The following DLG2 variants were observed in gnomAD, a reference collection of about 807,000 sequenced individuals.
DLG2 encodes the protein discs large MAGUK scaffold protein 2.
DLG2 carries 45 observed loss-of-function variants against 132.5 expected under a neutral mutation model. The ratio of observed to expected loss-of-function variants is 0.34; its 90% CI spans 0.27 to 0.44. The LOEUF (loss-of-function observed/expected upper bound fraction) is 0.44, where lower values mean the gene tolerates loss of function less well. DLG2 is among the 20% of genes least tolerant of loss of function. DLG2 has a pLI of 1.00. For synonymous variants in DLG2, 424 were observed against 419.6 expected, an observed-to-expected ratio of 1.01 and a Z score of -0.13; for missense variants, 1,045 against 1,196.9, an observed-to-expected ratio of 0.87 and a Z score of 1.87.
At chr11:84,134,787 T>C (rs1566651628) in intron 9 of DLG2, among the ~76,000 whole-genome samples, 1 of 151,816 alleles carries the variant, frequency 6.6e-6, no homozygotes, top group African/African-American at 2.4e-5. Context: ...ACTGATATAT[T>C]TGTGGAGTGT....
chr11:84,728,782 T>G (rs764773343), intron 6 of DLG2, among the ~76,000 whole-genome samples: 1 of 152,180 alleles, frequency 6.6e-6, no homozygotes, highest in South Asian at 2.1e-4. Context: ...GTTATTGGTT[T>G]ATTCAGGGAT....
chr11:84,016,143 G>A (rs1467998520), intron 11 of DLG2, among the ~76,000 whole-genome samples: 3 of 151,998 alleles, frequency 2.0e-5, no homozygotes, highest in Non-Finnish European at 2.9e-5. Flanking sequence ...GGGATGTTGA[G>A]CTTTTTTTTC....
chr11:84,377,393 T>G (rs1441573815), intron 7 of DLG2, among the ~76,000 whole-genome samples: 1 of 151,874 alleles, frequency 6.6e-6, no homozygotes, highest in East Asian at 1.9e-4. Flanking sequence ...GGGCCCAAAT[T>G]TAAACAAACC....
intron 6 of DLG2, among the ~76,000 whole-genome samples, chr11:85,033,616 T>C (rs986006065): frequency 1.3e-5 from 2 of 152,190 alleles, no homozygotes; most frequent in African/African-American, 4.8e-5. Context: ...CACAGCACAG[T>C]AGAGTAGAAA....
At chr11:84,505,436 A>G (rs1267001950) in intron 7 of DLG2, among the ~76,000 whole-genome samples, 3 of 152,204 alleles carry the variant, frequency 2.0e-5, no homozygotes, top group Non-Finnish European at 4.4e-5. Context: ...GTTAAGTAAT[A>G]TATTTGGGAC....
chr11:83,553,859 T>C (rs1406886408), intron 19 of DLG2, among the ~76,000 whole-genome samples: 2 of 151,804 alleles, frequency 1.3e-5, no homozygotes, highest in Non-Finnish European at 2.9e-5. Flanking sequence ...TGAATATTAT[T>C]AGTATTTTAT....
intron 3 of DLG2, among the ~76,000 whole-genome samples, chr11:85,427,888 T>C (rs563790718): frequency 2.0e-5 from 3 of 152,044 alleles, no homozygotes; most frequent in East Asian, 1.9e-4. Flanking sequence ...ACCCATCTCA[T>C]GTGCGAAGAC....
chr11:83,838,153 T>C (rs916146671), intron 16 of DLG2, among the ~76,000 whole-genome samples: 1 of 152,042 alleles, frequency 6.6e-6, no homozygotes, highest in African/African-American at 2.4e-5. Flanking sequence ...CTCAAAAAAA[T>C]GAAAGGTATA....
chr11:84,220,653 G>C (rs950643974), intron 8 of DLG2, among the ~76,000 whole-genome samples: 3 of 151,912 alleles, frequency 2.0e-5, no homozygotes, highest in Non-Finnish European at 4.4e-5. Context: ...AGAAATAAAA[G>C]CTCAATTATG....
chr11:83,973,960 A>G (rs2091797267), intron 12 of DLG2, among the ~76,000 whole-genome samples: 1 of 139,186 alleles, frequency 7.2e-6, no homozygotes, highest in Non-Finnish European at 1.7e-5. Context: ...TCTAAGTTCT[A>G]ACTGAGTTCT....
intron 7 of DLG2, among the ~76,000 whole-genome samples, chr11:84,481,120 AG>A (rs1198837353): frequency 6.6e-6 from 1 of 152,170 alleles, no homozygotes; most frequent in African/African-American, 2.4e-5. Context: ...GAAAATACAT[AG>A]AACAAGGCCT....
chr11:83,584,788 CATAAAG>C (rs1478575302), intron 19 of DLG2, among the ~76,000 whole-genome samples: 1 of 152,154 alleles, frequency 6.6e-6, no homozygotes, highest in Non-Finnish European at 1.5e-5. Context: ...AGAATGGAGG[CATAAAG>C]CAGATTGTAG....
intron 4 of DLG2, among the ~76,000 whole-genome samples, chr11:85,238,203 TA>T (rs2075688840): frequency 2.9e-5 from 4 of 137,540 alleles, no homozygotes; most frequent in African/African-American, 1.1e-4. Context: ...TTTTTATTTT[TA>T]TTTTATTTAT....
At chr11:84,644,338 G>T (rs547702593) in intron 6 of DLG2, among the ~76,000 whole-genome samples, 1 of 151,990 alleles carries the variant, frequency 6.6e-6, no homozygotes, top group Non-Finnish European at 1.5e-5. Context: ...ATCTTATTTC[G>T]CCACCTGGTA....
chr11:84,271,932 T>A (rs1468233823), intron 7 of DLG2, among the ~76,000 whole-genome samples: 1 of 103,808 alleles, frequency 9.6e-6, no homozygotes, highest in Non-Finnish European at 1.8e-5. Context: ...ACAAGGAATA[T>A]CACACTTTGA....
intron 7 of DLG2, among the ~76,000 whole-genome samples, chr11:84,472,856 A>G (rs1286662513): frequency 1.3e-5 from 2 of 152,030 alleles, no homozygotes; most frequent in Non-Finnish European, 2.9e-5. Context: ...AATTCGAGAG[A>G]TTATCACTTA....
intron 4 of DLG2, among the ~76,000 whole-genome samples, chr11:85,249,682 C>A (rs570389325): frequency 1.3e-5 from 2 of 151,972 alleles, no homozygotes; most frequent in African/African-American, 4.8e-5. Context: ...ACTTATCTGT[C>A]AAATATCCAA....
intron 6 of DLG2, among the ~76,000 whole-genome samples, chr11:84,889,196 C>T (rs556126260): frequency 5.9e-5 from 9 of 152,138 alleles, no homozygotes; most frequent in African/African-American, 1.4e-4. Flanking sequence ...TATAAAGGCA[C>T]GATCCTCATC....
intron 6 of DLG2, among the ~76,000 whole-genome samples, chr11:84,938,398 TTTAA>T (rs1224420951): frequency 1.3e-5 from 2 of 152,030 alleles, no homozygotes; most frequent in Admixed American, 1.3e-4. Flanking sequence ...AAATTATGAA[TTTAA>T]TTACATATAA....
Sources: allele counts gnomAD v4.1 joint callset (sites outside exome capture counted in the v4.1 genomes callset), GRCh38; gene constraint gnomAD v4.1.1; transcripts MANE v1.5; gene names NCBI Gene and HGNC (gene_info 2026-07-23, HGNC 2026-07-21).